CLEC2D: variants seen among roughly 807,000 people sequenced by gnomAD.
CLEC2D encodes the protein C-type lectin related f.
In CLEC2D, 16 loss-of-function variants were observed where a neutral mutation model predicts 20.0. That is an observed-to-expected ratio of 0.80 (90% confidence interval 0.54 to 1.22). The LOEUF (loss-of-function observed/expected upper bound fraction) is 1.22, where lower values mean the gene tolerates loss of function less well. Ranked by LOEUF, CLEC2D falls within the 50% of genes most tolerant of loss-of-function variation. CLEC2D has a pLI of 0.00. For synonymous variants in CLEC2D, 77 were observed against 71.1 expected, an observed-to-expected ratio of 1.08 and a Z score of -0.42; for missense variants, 207 against 221.5, an observed-to-expected ratio of 0.93 and a Z score of 0.42.
chr12:9,679,759 T>C (rs770247774), intron 1 of CLEC2D, among the ~76,000 whole-genome samples: 7 of 152,142 alleles, frequency 4.6e-5, no homozygotes, highest in Non-Finnish European at 8.8e-5. Flanking sequence ...CTCTCTAGTG[T>C]TGGGGGGAAT....
intron 2 of CLEC2D, among the ~76,000 whole-genome samples, chr12:9,683,262 G>A (rs1865675007): frequency 6.7e-6 from 1 of 148,968 alleles, no homozygotes; most frequent in South Asian, 2.1e-4. Flanking sequence ...TTGTCAAACG[G>A]ATAGATTGCA....
chr12:9,674,461 A>G (rs1591688213), intron 1 of CLEC2D, among the ~76,000 whole-genome samples: 1 of 152,226 alleles, frequency 6.6e-6, no homozygotes, highest in African/African-American at 2.4e-5. Context: ...TTGGTACCTC[A>G]GATGGAGATG....
At chr12:9,690,951 AGACT>A (rs1865848519) in intron 3 of CLEC2D, among the ~76,000 whole-genome samples, 1 of 152,218 alleles carries the variant, frequency 6.6e-6, no homozygotes, top group Non-Finnish European at 1.5e-5. Flanking sequence ...TAAAGGGCTG[AGACT>A]GACAAGTTGG....
intron 3 of CLEC2D, 94 bp downstream of exon 3, chr12:9,688,180 T>G (rs1865791760): frequency 8.0e-7 from 1 of 1,245,396 alleles, no homozygotes. Context: ...AGACATCTGC[T>G]TTTACATTGA....
At chr12:9,681,786 A>G (rs1216143798) in intron 2 of CLEC2D, among the ~76,000 whole-genome samples, 1 of 152,224 alleles carries the variant, frequency 6.6e-6, no homozygotes, top group East Asian at 1.9e-4. Flanking sequence ...AGCACTCCAT[A>G]TAACACTCTA....
chr12:9,690,855 GAT>G (rs775540993), intron 3 of CLEC2D, among the ~76,000 whole-genome samples: 61 of 152,038 alleles, frequency 4.0e-4, no homozygotes, highest in Non-Finnish European at 1.3e-4. Context: ...AGACATATAA[GAT>G]ATAGAGAAAA....
intron 2 of CLEC2D, among the ~76,000 whole-genome samples, chr12:9,685,010 G>A (rs1033000157): frequency 2.6e-5 from 4 of 152,264 alleles, no homozygotes; most frequent in African/African-American, 9.6e-5. Flanking sequence ...GTCTGGACAT[G>A]GGCTTGTTTT....
intron 4 of CLEC2D, 138 bp downstream of exon 4, chr12:9,693,069 T>C: frequency 6.2e-7 from 1 of 1,613,956 alleles, no homozygotes; most frequent in Non-Finnish European, 8.5e-7. Context: ...AACTTGTATG[T>C]TGCAAAGGTT....
chr12:9,670,650 A>C (rs763475575), intron 1 of CLEC2D, among the ~76,000 whole-genome samples: 1 of 152,158 alleles, frequency 6.6e-6, no homozygotes, highest in African/African-American at 2.4e-5. Context: ...TTGGATTGTA[A>C]TTTGAACATT....
At chr12:9,670,104 C>T (rs1297790170) in intron 1 of CLEC2D, among the ~76,000 whole-genome samples, 1 of 152,082 alleles carries the variant, frequency 6.6e-6, no homozygotes, top group African/African-American at 2.4e-5. Context: ...AAGTGTTACT[C>T]AGATACAAGA....
At chr12:9,690,713 C>A (rs1361605296) in intron 3 of CLEC2D, among the ~76,000 whole-genome samples, 1 of 151,656 alleles carries the variant, frequency 6.6e-6, no homozygotes, top group East Asian at 1.9e-4. Flanking sequence ...GTTTAAGATG[C>A]TAATTATAAT....
intron 3 of CLEC2D, among the ~76,000 whole-genome samples, chr12:9,690,753 A>G (rs985835752): frequency 5.3e-5 from 8 of 152,064 alleles, no homozygotes; most frequent in African/African-American, 1.7e-4. Context: ...AAAATTACCA[A>G]AATTATGCAG....
At chr12:9,676,614 A>G (rs1483126815) in intron 1 of CLEC2D, among the ~76,000 whole-genome samples, 1 of 152,138 alleles carries the variant, frequency 6.6e-6, no homozygotes, top group East Asian at 1.9e-4. Context: ...TTCATGAGGT[A>G]TATTGGTCCA....
In CLEC2D at chr12:9,683,409, G is replaced by A. The variant is rs148233523; in HGVS notation, c.172+2376G>A. Among the ~76,000 whole-genome samples, 105 of 109,816 alleles carry A rather than the reference G, an allele frequency of 9.6e-4. 1 individual carries two copies. The East Asian group carries it at 0.023, about 24-fold the overall frequency. 72.0% of individuals were successfully genotyped at this position (109,816 alleles called of 152,430 possible). ...CCGCTTGTCAATTTTTGCTTTTGTT[G>A]CAATTGCTTTTGGTGTTTTAATCAT... On this transcript the variant is annotated intron_variant, in intron 2 of 4. Transcript: ENST00000290855.
chr12:9,693,842 G>C, intron 4 of CLEC2D: 1 of 441,826 alleles, frequency 2.3e-6, no homozygotes, highest in South Asian at 1.6e-5. Context: ...GTCTTACTCT[G>C]TTACCCAGGC....
chr12:9,696,303 T>G lies in CLEC2D; in HGVS notation c.*1429T>G. ...TTCTGTAACAGTTGATATCTGGCTG[T>G]CCTTTTTATAGTGCAGAGTGAGAAC... is the stretch of plus-strand genomic sequence containing the variant. On this transcript the variant is annotated 3_prime_UTR_variant, in exon 5 of 5. Transcript: ENST00000290855. The G allele has an allele frequency of 1.5e-6, 1 of 669,296 alleles. No individual in the cohort carries two copies. Among genetic ancestry groups the G allele is most frequent in the Non-Finnish European group, 2.8e-6 (1 of 361,260 alleles). 41.5% of individuals were successfully genotyped at this position (669,296 alleles called of 1,614,324 possible). A position where few individuals can be genotyped will look rare whatever the true frequency, so the allele number is the denominator to read the frequency against.
intron 1 of CLEC2D, among the ~76,000 whole-genome samples, chr12:9,678,289 C>T (rs1865565830): frequency 6.6e-6 from 1 of 151,986 alleles, no homozygotes; most frequent in East Asian, 1.9e-4. Context: ...ATAGCTTCTC[C>T]TGCTTTCTTT....
chr12:9,682,039 T>A (rs1453862549), intron 2 of CLEC2D, among the ~76,000 whole-genome samples: 1 of 152,180 alleles, frequency 6.6e-6, no homozygotes, highest in Non-Finnish European at 1.5e-5. Context: ...ATAGCTCTTT[T>A]TTTTACAGTA....
At chr12:9,681,832 TATC>T (rs1865641413) in intron 2 of CLEC2D, among the ~76,000 whole-genome samples, 1 of 152,234 alleles carries the variant, frequency 6.6e-6, no homozygotes, top group African/African-American at 2.4e-5. Context: ...TTTTGCTTAT[TATC>T]TTTTGGCATT....
Sources: gnomAD v4.1 joint callset for allele counts (sites outside exome capture counted in the v4.1 genomes callset) on GRCh38, gnomAD v4.1.1 for gene constraint, MANE v1.5 for transcripts, NCBI Gene and HGNC (gene_info 2026-07-23, HGNC 2026-07-21) for gene names.